The following ACAD8 variants were observed in gnomAD, a reference collection of about 807,000 sequenced individuals.
ACAD8 encodes acyl-CoA dehydrogenase family member 8, also known as isobutyryl-CoA dehydrogenase, mitochondrial.
Under a neutral mutation model 53.1 loss-of-function variants are expected in ACAD8, and 47 were observed. The observed-to-expected ratio is 0.89, with a 90% confidence interval of 0.70 to 1.13. The LOEUF (loss-of-function observed/expected upper bound fraction) is 1.13. Ranked by LOEUF, ACAD8 falls within the 50% of genes most tolerant of loss-of-function variation. ACAD8 has a pLI of 0.00. For missense variants in ACAD8, 494 were observed against 535.0 expected (o/e 0.92, Z 0.76); for synonymous variants, 198 against 201.3 (o/e 0.98, Z 0.14).
intron 6 of ACAD8, chr11:134,260,014 G>A (rs772977755): frequency 2.3e-6 from 3 of 1,293,504 alleles, no homozygotes; most frequent in Non-Finnish European, 3.0e-6. Flanking sequence ...CTTTTGGCCT[G>A]TGTTCCTTAT....
At chr11:134,264,023 G>A in intron 10 of ACAD8, 1 of 985,292 alleles carries the variant, frequency 1.0e-6, no homozygotes, top group Non-Finnish European at 1.2e-6. Context: ...CCAAAGAAAT[G>A]TGTATTTATT....
In ACAD8 at chr11:134,262,660, C is replaced by T. The variant is rs367798878; in HGVS notation, c.1195+38C>T. On this transcript the variant is annotated intron_variant, in intron 10 of 10. Coordinates refer to ENST00000281182, the MANE Select transcript of ACAD8 (RefSeq NM_014384.3). ...AGAGGTTATTCTCTTCCCTTCAGAA[C>T]GGGGGCGGGATCGCTGCTTTCCCCA... is the stretch of plus-strand genomic sequence containing the variant. 37 of 1,585,372 alleles carry T rather than the reference C, an allele frequency of 2.3e-5. No homozygotes were observed. In the African/African-American group the frequency reaches 3.2e-4, roughly 14 times the overall value.
In ACAD8 at chr11:134,257,043, G is replaced by A. The variant is rs757400877; in HGVS notation, c.211-45G>A. Reference sequence around the variant, plus strand: ...CACTGTGCCCTCTAAAAGGAAGGCCGTCTCTGAATCAGCTGCTGATCACCC... The same window carrying A: ...CACTGTGCCCTCTAAAAGGAAGGCCATCTCTGAATCAGCTGCTGATCACCC... On this transcript the variant is annotated intron_variant, in intron 2 of 10. Transcript: ENST00000281182. The A allele has an allele frequency of 1.1e-5, 17 of 1,610,902 alleles. No homozygotes were observed. In the East Asian group the frequency reaches 1.8e-4, roughly 17 times the overall value.
rs473041 is a variant in ACAD8 at position 134,256,718 on chromosome 11, T to C, written c.210+70T>C. 422,634 of 1,331,044 alleles carry C rather than the reference T, an allele frequency of 0.32. 70,336 individuals are homozygous for C. The highest frequency in any genetic ancestry group is 0.41 in the Admixed American group (21,681 of 53,268). 82.5% of individuals were successfully genotyped at this position (1,331,044 alleles called of 1,614,324 possible). On this transcript the variant is annotated intron_variant, in intron 2 of 10. Coordinates refer to ENST00000281182, the MANE Select transcript of ACAD8 (RefSeq NM_014384.3). Reference sequence around the variant, plus strand: ...CAGGCAGACCTTTATCTTTGTCTCCTGATAATGTAATTGTTAAATGTCTCC... The same window carrying C: ...CAGGCAGACCTTTATCTTTGTCTCCCGATAATGTAATTGTTAAATGTCTCC...
chr11:134,257,248 G>C lies in ACAD8; in HGVS notation c.371G>C (p.Ser124Thr). 6.2e-7 allele frequency: 1 copy of C among 1,614,164 alleles called. No homozygotes were observed. The highest frequency in any genetic ancestry group is 2.2e-5 in the East Asian group (1 of 44,878). The change falls in exon 3 of 11, where the codon AGC (serine) becomes ACC (threonine). Residue 124 changes from serine (S) to threonine (T), a missense_variant. By Grantham distance (58) the Ser-to-Thr change is moderately conservative (BLOSUM62 1). Coordinates refer to ENST00000281182, the MANE Select transcript of ACAD8 (RefSeq NM_014384.3). ...TGCTSTTAYI[S>T]IHNMCAWMID... ...TGCACCAGCACCACAGCCTATATAA[G>C]CATCCACAAGTGAGTGCCCAAGCTT... is the stretch of plus-strand genomic sequence containing the variant.
At chr11:134,259,416 A>T in intron 5 of ACAD8, 192 bp from the exon 6 acceptor site, 1 of 586,706 alleles carries the variant, frequency 1.7e-6, no homozygotes, top group Non-Finnish European at 3.0e-6. Context: ...CCTTATTGTC[A>T]GTCTCTGTGC....
At chr11:134,254,617 T>C (rs556180194) in intron 1 of ACAD8, among the ~76,000 whole-genome samples, 1 of 152,362 alleles carries the variant, frequency 6.6e-6, no homozygotes, top group South Asian at 2.1e-4. Context: ...CTAAAACTCA[T>C]TCAAGAGGTG....
intron 2 of ACAD8, 162 bp from the exon 3 acceptor site, chr11:134,256,926 G>C (rs1031281334): frequency 1.3e-6 from 1 of 776,648 alleles, no homozygotes; most frequent in African/African-American, 1.7e-5. Flanking sequence ...AGTTTTTACA[G>C]GACCCATGTT....
chr11:134,264,768 ATC>A, intron 10 of ACAD8, 138 bp from the exon 11 acceptor site: 1 of 805,844 alleles, frequency 1.2e-6, no homozygotes. Context: ...TGATAATCTC[ATC>A]TCTCCCAGGC....
chr11:134,260,877 G>C, intron 6 of ACAD8, 167 bp from the exon 7 acceptor site: 1 of 714,274 alleles, frequency 1.4e-6, no homozygotes, highest in Non-Finnish European at 2.4e-6. Flanking sequence ...ATCTTTCTGA[G>C]TGCTGACAGG....
chr11:134,258,202 G>A, intron 3 of ACAD8: 1 of 395,368 alleles, frequency 2.5e-6, no homozygotes, highest in Non-Finnish European at 4.8e-6. Context: ...ATTTGAGGAA[G>A]TAATAGAAAC....
intron 1 of ACAD8, among the ~76,000 whole-genome samples, chr11:134,254,778 T>C (rs11223736): frequency 0.034 from 5,242 of 152,336 alleles, 127 homozygotes; most frequent in Middle Eastern, 0.079. Context: ...TCCCATTTCA[T>C]TTGGAGTGTT....
intron 10 of ACAD8, 23 bp from the exon 11 acceptor site, chr11:134,264,885 T>G: frequency 6.2e-7 from 1 of 1,612,584 alleles, no homozygotes; most frequent in Non-Finnish European, 8.5e-7. Context: ...TGTGAAATTC[T>G]TCCTCCTTCC....
In ACAD8 at chr11:134,261,966, C is replaced by T; in HGVS notation, c.1092+76C>T. 6.4e-7 allele frequency: 1 copy of T among 1,562,354 alleles called. No homozygotes were observed. Among genetic ancestry groups the T allele is most frequent in the Non-Finnish European group, 8.7e-7 (1 of 1,145,644 alleles). On this transcript the variant is annotated intron_variant, in intron 9 of 10. Coordinates refer to ENST00000281182, the MANE Select transcript of ACAD8 (RefSeq NM_014384.3). The surrounding 1 kb of genome is among the most constrained non-coding windows in gnomAD (Gnocchi z 4.2). ...CCCAGGGGTCTTGAGAGACATGAGT[C>T]AGATTTGGAACCCAGCCCTCCTGGA...
chr11:134,264,668 T>A (rs992243106), intron 10 of ACAD8, among the ~76,000 whole-genome samples: 19 of 152,192 alleles, frequency 1.2e-4, no homozygotes, highest in African/African-American at 4.6e-4. Flanking sequence ...TCTGCCTTTT[T>A]AAACTTTATA....
intron 6 of ACAD8, 138 bp from the exon 7 acceptor site, chr11:134,260,906 T>C: frequency 9.9e-7 from 1 of 1,007,006 alleles, no homozygotes; most frequent in East Asian, 2.6e-5. Context: ...CCTGAACTTT[T>C]TCTTTTTCCT....
At chr11:134,264,723 T>C (rs1231494439) in intron 10 of ACAD8, among the ~76,000 whole-genome samples, 185 bp from the exon 11 acceptor site, 1 of 152,220 alleles carries the variant, frequency 6.6e-6, no homozygotes, top group Non-Finnish European at 1.5e-5. Context: ...AAGTATTATT[T>C]CCTGACATTT....
chr11:134,257,142 G>T lies in ACAD8; in HGVS notation c.265G>T (p.Val89Phe). The T allele has an allele frequency of 6.2e-7, 1 of 1,614,162 alleles. No individual in the cohort carries two copies. Among genetic ancestry groups the T allele is most frequent in the Non-Finnish European group, 8.5e-7 (1 of 1,180,040 alleles). The change falls in exon 3 of 11, where the codon GTC becomes TTC. Residue 89 changes from valine to phenylalanine, a missense_variant. Coordinates refer to ENST00000281182, the MANE Select transcript of ACAD8 (RefSeq NM_014384.3). Reference sequence around the variant, plus strand: ...GGCAGCCCAGCTAGGCTTCGGAGGGGTCTACATACAAACAGATGTGGGCGG... The same window carrying T: ...GGCAGCCCAGCTAGGCTTCGGAGGGTTCTACATACAAACAGATGTGGGCGG... ...RKAAQLGFGG[V>F]YIQTDVGGSG...
Position 134,259,618 on chromosome 11 carries a change from G to C in ACAD8, c.578G>C (p.Ser193Thr). The change falls in exon 6 of 11, where the codon AGT becomes ACT. Residue 193 changes from serine (S) to threonine (T), a missense_variant. Coordinates refer to ENST00000281182, the MANE Select transcript of ACAD8 (RefSeq NM_014384.3). Reference protein sequence around the residue: ...YILNGSKAFISGAGESDIYVV... With the variant: ...YILNGSKAFITGAGESDIYVV... The stretch of plus-strand genomic sequence containing the variant: ...CTTTTACCCCCACAGGCCTTCATCA[G>C]TGGTGCTGGTGAGTCAGACATCTAT... 6.2e-7 allele frequency: 1 copy of C among 1,614,186 alleles called. No individual in the cohort carries two copies. Among genetic ancestry groups the C allele is most frequent in the African/African-American group, 1.3e-5 (1 of 75,046 alleles).
Sources: gnomAD v4.1 joint callset for allele counts (sites outside exome capture counted in the v4.1 genomes callset) on GRCh38, gnomAD v4.1.1 for gene constraint, Gnocchi (gnomAD v3.1) non-coding constraint, MANE v1.5 for transcripts, NCBI Gene and HGNC (gene_info 2026-07-23, HGNC 2026-07-21) for gene names.